Variants in ANKRD46 observed in about 807,000 individuals in gnomAD.
ANKRD46 encodes the protein ankyrin repeat domain-containing protein 46.
ANKRD46 carries 13 observed loss-of-function variants against 19.8 expected under a neutral mutation model. That is an observed-to-expected ratio of 0.66 (90% confidence interval 0.43 to 1.04). The LOEUF (loss-of-function observed/expected upper bound fraction) is 1.04, where lower values mean the gene tolerates loss of function less well. Ranked by LOEUF, ANKRD46 falls within the 50% of genes least tolerant of loss-of-function variation. The probability of loss-of-function intolerance (pLI) is 0.00; values close to 1 mark genes in which losing one functional copy is unlikely to be tolerated. For missense variants in ANKRD46, 185 were observed against 274.8 expected (o/e 0.67, Z 2.31); for synonymous variants, 91 against 106.9 (o/e 0.85, Z 0.92).
At chr8:100,530,387 C>T (rs1057428386) in intron 2 of ANKRD46, among the ~76,000 whole-genome samples, 2 of 72,292 alleles carry the variant, frequency 2.8e-5, no homozygotes, top group African/African-American at 1.2e-4. Flanking sequence ...GTTTATAGCA[C>T]AATTTTTTTT....
chr8:100,529,375 C>T lies in ANKRD46; in HGVS notation c.311+148G>A. The T allele has an allele frequency of 2.4e-6, 2 of 834,912 alleles. No homozygotes were observed. Among genetic ancestry groups the T allele is most frequent in the Non-Finnish European group, 3.5e-6 (2 of 566,632 alleles). 51.7% of individuals were successfully genotyped at this position (834,912 alleles called of 1,614,324 possible). Reference sequence around the variant, plus strand: ...AGTCAGCCCCTCATTCCCTCACTTGCCTAACAGGATTACACTGTCTTCAAT... The same window carrying T: ...AGTCAGCCCCTCATTCCCTCACTTGTCTAACAGGATTACACTGTCTTCAAT... On this transcript the variant is annotated intron_variant, in intron 3 of 4. Coordinates refer to ENST00000335659, the MANE Select transcript of ANKRD46 (RefSeq NM_001270377.2). The surrounding 1 kb of genome is among the most constrained non-coding windows in gnomAD (Gnocchi z 5.8).
At chr8:100,541,051 C>T (rs559620889) in intron 1 of ANKRD46, among the ~76,000 whole-genome samples, 9 of 149,260 alleles carry the variant, frequency 6.0e-5, no homozygotes, top group Non-Finnish European at 8.9e-5. Flanking sequence ...TCTGTACCTC[C>T]GAAGTTTCTC....
intron 1 of ANKRD46, among the ~76,000 whole-genome samples, chr8:100,535,700 T>C (rs1276166419): frequency 6.6e-6 from 1 of 152,228 alleles, no homozygotes; most frequent in Non-Finnish European, 1.5e-5. Flanking sequence ...AGTATAATTC[T>C]CTGGAGATTC....
intron 1 of ANKRD46, among the ~76,000 whole-genome samples, chr8:100,535,300 T>C (rs1471095305): frequency 2.0e-5 from 3 of 152,234 alleles, no homozygotes; most frequent in Non-Finnish European, 4.4e-5. Flanking sequence ...GATTGTCCAA[T>C]GGGTGAAGAG....
At chr8:100,551,582 G>A (rs1812391496) in intron 1 of ANKRD46, 2 of 736,824 alleles carry the variant, frequency 2.7e-6, no homozygotes, top group Non-Finnish European at 4.8e-6. Context: ...GGAACATGCA[G>A]ACCATGTAGT....
intron 5 of ANKRD46, among the ~76,000 whole-genome samples, chr8:100,513,085 T>C (rs1414086511): frequency 6.6e-6 from 1 of 152,232 alleles, no homozygotes; most frequent in Non-Finnish European, 1.5e-5. Flanking sequence ...AATGTAGTTA[T>C]ACTTCCTCAA....
chr8:100,518,464 G>A (rs534588768), downstream of ANKRD46, among the ~76,000 whole-genome samples: 255 of 152,114 alleles, frequency 1.7e-3, 1 homozygote, highest in Non-Finnish European at 1.5e-3. Context: ...TTTGAAAAGC[G>A]GTGCAATTCT....
chr8:100,550,527 C>CTTT lies in ANKRD46; in HGVS notation c.-131+9181_-131+9183dup, dbSNP rs34381045. On this transcript the variant is annotated intron_variant, in intron 1 of 4. Coordinates refer to ENST00000335659, the MANE Select transcript of ANKRD46 (RefSeq NM_001270377.2). This position sits in a 1 kb window ranked among gnomAD's most constrained non-coding sequence, Gnocchi z 4.4. ...TAAAATCAGGTTGTTCATTTTCTAT[C>CTTT]TTTTTTTTTTTTTTGAGTACAGAGG... The CTTT allele has an allele frequency of 0.049, 7,079 of 145,248 alleles. 279 individuals are homozygous for CTTT. The highest frequency in any genetic ancestry group is 0.074 in the Non-Finnish European group (4,895 of 66,596). The allele number at this position is 145,248 out of a possible 1,614,324, so 9.0% of individuals were successfully genotyped here. A position where few individuals can be genotyped will look rare whatever the true frequency, so the allele number is the denominator to read the frequency against.
rs760230348 is a variant in ANKRD46 at position 100,534,024 on chromosome 8, G to A, written c.-130-713C>T. Among the ~76,000 whole-genome samples, 1 of 152,194 alleles carries A rather than the reference G, an allele frequency of 6.6e-6. No individual in the cohort carries two copies. The highest frequency in any genetic ancestry group is 2.4e-5 in the African/African-American group (1 of 41,448). ...GACCGTGGAAGCAGGGTCATGGGCA[G>A]GCAGTAAGGACCACAAAAATAGCAA... On this transcript the variant is annotated intron_variant, in intron 1 of 4. Coordinates refer to ENST00000335659, the MANE Select transcript of ANKRD46 (RefSeq NM_001270377.2). This position sits in a 1 kb window ranked among gnomAD's most constrained non-coding sequence, Gnocchi z 4.2.
intron 1 of ANKRD46, among the ~76,000 whole-genome samples, chr8:100,558,878 G>A (rs1172340164): frequency 1.3e-5 from 2 of 152,060 alleles, no homozygotes; most frequent in Admixed American, 6.5e-5. Context: ...TTAAAGCAAT[G>A]GCACCGTGTC....
At position 100,527,569 on chromosome 8, in the gene ANKRD46, G is replaced by A. The variant is rs1296723109; in HGVS notation, c.470+276C>T. 6.6e-6 allele frequency among the ~76,000 whole-genome samples: 1 copy of A among 152,162 alleles called. No individual in the cohort carries two copies. Among genetic ancestry groups the A allele is most frequent in the Non-Finnish European group, 1.5e-5 (1 of 68,038 alleles). On this transcript the variant is annotated intron_variant, in intron 4 of 4. Coordinates refer to ENST00000335659, the MANE Select transcript of ANKRD46 (RefSeq NM_001270377.2). This position sits in a 1 kb window ranked among gnomAD's most constrained non-coding sequence, Gnocchi z 4.0. ...GCGCACATGACATGTAGTACTTTCTGTTAATAGCTTCTCAATTGTAATCTG... is the reference window on the plus strand; with the variant it reads ...GCGCACATGACATGTAGTACTTTCTATTAATAGCTTCTCAATTGTAATCTG...
In ANKRD46 at chr8:100,525,569, G is replaced by C. The variant is rs1297421725; in HGVS notation, c.470+2276C>G. Among the ~76,000 whole-genome samples, 1 of 152,132 alleles carries C rather than the reference G, an allele frequency of 6.6e-6. No individual in the cohort carries two copies. The highest frequency in any genetic ancestry group is 1.5e-5 in the Non-Finnish European group (1 of 68,026). On this transcript the variant is annotated intron_variant, in intron 4 of 4. Coordinates refer to ENST00000335659, the MANE Select transcript of ANKRD46 (RefSeq NM_001270377.2). The surrounding 1 kb of genome is among the most constrained non-coding windows in gnomAD (Gnocchi z 4.4). ...GTTTTCAAAATTTATCCATGCTGTA[G>C]CATGTATCAGTATAATATAATAATA... is the stretch of plus-strand genomic sequence containing the variant.
In ANKRD46 at chr8:100,529,281, C is replaced by T. The variant is rs149392301; in HGVS notation, c.311+242G>A. Among the ~76,000 whole-genome samples, 2 of 152,314 alleles carry T rather than the reference C, an allele frequency of 1.3e-5. No individual in the cohort carries two copies. The highest frequency in any genetic ancestry group is 3.9e-4 in the East Asian group (2 of 5,190). On this transcript the variant is annotated intron_variant, in intron 3 of 4. Coordinates refer to ENST00000335659, the MANE Select transcript of ANKRD46 (RefSeq NM_001270377.2). The surrounding 1 kb of genome is among the most constrained non-coding windows in gnomAD (Gnocchi z 5.8). ...TTCTTCTTCCCTTGTTGTAACACTA[C>T]ATAATTAGTAGCAGAAACTACCTAC...
intron 1 of ANKRD46, among the ~76,000 whole-genome samples, chr8:100,538,755 G>A (rs1171462156): frequency 6.6e-6 from 1 of 152,182 alleles, no homozygotes; most frequent in East Asian, 1.9e-4. Flanking sequence ...AGCCTGCTTG[G>A]AGAGGTGGGA....
At position 100,550,265 on chromosome 8, in the gene ANKRD46, T is replaced by G. The variant is rs1812357309; in HGVS notation, c.-131+9446A>C. Among the ~76,000 whole-genome samples, 1 of 152,210 alleles carries G rather than the reference T, an allele frequency of 6.6e-6. No individual in the cohort carries two copies. The highest frequency in any genetic ancestry group is 2.1e-4 in the South Asian group (1 of 4,832). On this transcript the variant is annotated intron_variant, in intron 1 of 4. Coordinates refer to ENST00000335659, the MANE Select transcript of ANKRD46 (RefSeq NM_001270377.2). This position sits in a 1 kb window ranked among gnomAD's most constrained non-coding sequence, Gnocchi z 4.4. Reference sequence around the variant, plus strand: ...TTGTCTCCCAAAGTAGCTGTACCATTTGGCATTCCCACTAGCAATGAATAA... The same window carrying G: ...TTGTCTCCCAAAGTAGCTGTACCATGTGGCATTCCCACTAGCAATGAATAA...
chr8:100,512,578 CCA>C (rs2130624659), intron 5 of ANKRD46, among the ~76,000 whole-genome samples: 1 of 152,298 alleles, frequency 6.6e-6, no homozygotes, highest in South Asian at 2.1e-4. Flanking sequence ...GATGATGTCA[CCA>C]CAGTTCTAGG....
downstream of ANKRD46, among the ~76,000 whole-genome samples, chr8:100,520,361 C>T (rs905971383): frequency 3.3e-5 from 5 of 152,154 alleles, no homozygotes; most frequent in Admixed American, 2.0e-4. Flanking sequence ...GAGGAAAGCA[C>T]AAGCATAATT....
chr8:100,538,637 C>A (rs1193610608), intron 1 of ANKRD46, among the ~76,000 whole-genome samples: 1 of 152,126 alleles, frequency 6.6e-6, no homozygotes, highest in African/African-American at 2.4e-5. Flanking sequence ...AACAGAATTA[C>A]AGGCACTAAT....
rs1811742773 is a variant in ANKRD46, at chr8:100,522,459, T to A, written c.*96A>T. 1 of 1,529,860 alleles carries A rather than the reference T, an allele frequency of 6.5e-7. No individual in the cohort carries two copies. Among genetic ancestry groups the A allele is most frequent in the African/African-American group, 1.4e-5 (1 of 72,310 alleles). The allele number at this position is 1,529,860 out of a possible 1,614,324, so 94.8% of individuals were successfully genotyped here. A position where few individuals can be genotyped will look rare whatever the true frequency, so the allele number is the denominator to read the frequency against. On this transcript the variant is annotated 3_prime_UTR_variant, in exon 5 of 5. Coordinates refer to ENST00000335659, the MANE Select transcript of ANKRD46 (RefSeq NM_001270377.2). ...AATGCAAAAAGAACATGTACTGCCC[T>A]CACTGCTTTGCGCTAAGAAAAATTC...
Sources: gnomAD v4.1 joint callset for allele counts (sites outside exome capture counted in the v4.1 genomes callset) on GRCh38, gnomAD v4.1.1 for gene constraint, Gnocchi (gnomAD v3.1) non-coding constraint, MANE v1.5 for transcripts, NCBI Gene and HGNC (gene_info 2026-07-23, HGNC 2026-07-21) for gene names.